DPP6: variants seen among roughly 807,000 people sequenced by gnomAD.
DPP6 encodes dipeptidyl peptidase like 6.
DPP6 carries 69 observed loss-of-function variants against 122.6 expected under a neutral mutation model. The ratio of observed to expected loss-of-function variants is 0.56; its 90% CI spans 0.46 to 0.69. The LOEUF is 0.69. Ranked by LOEUF, DPP6 falls within the 30% of genes least tolerant of loss-of-function variation. The pLI is 0.00. For missense variants in DPP6, 928 were observed against 1,116.9 expected (o/e 0.83, Z 2.41); for synonymous variants, 418 against 433.1 (o/e 0.97, Z 0.43).
chr7:154,074,043 G>GTATCTATC (rs149932249), intron 1 of DPP6, among the ~76,000 whole-genome samples: 3 of 148,308 alleles, frequency 2.0e-5, no homozygotes, highest in African/African-American at 7.5e-5. Context: ...ATGTATGTAA[G>GTATCTATC]TATCTATCTA....
chr7:154,515,913 G>A (rs1450546407), intron 3 of DPP6, among the ~76,000 whole-genome samples: 2 of 152,116 alleles, frequency 1.3e-5, no homozygotes, highest in Admixed American at 1.3e-4. Flanking sequence ...TTGTTGTGTG[G>A]GAGTGTCTGT....
At chr7:154,686,805 G>A (rs1194981827) in intron 7 of DPP6, among the ~76,000 whole-genome samples, 1 of 152,064 alleles carries the variant, frequency 6.6e-6, no homozygotes, top group African/African-American at 2.4e-5. Flanking sequence ...TATTTCGGAT[G>A]CATTTTAAAT....
At chr7:154,087,205 G>C (rs1324715125) in intron 1 of DPP6, among the ~76,000 whole-genome samples, 1 of 151,972 alleles carries the variant, frequency 6.6e-6, no homozygotes, top group Non-Finnish European at 1.5e-5. Flanking sequence ...GGGGCTGACA[G>C]AATGCCCACT....
intron 1 of DPP6, among the ~76,000 whole-genome samples, chr7:153,956,963 G>A (rs1045468778): frequency 2.6e-5 from 4 of 152,238 alleles, no homozygotes; most frequent in East Asian, 1.9e-4. Flanking sequence ...AAAAAATTCC[G>A]AAACCCAGAT....
rs1363751722 is a variant in DPP6 at position 154,351,087 on chromosome 7, G to C, written c.244-95127G>C. On this transcript the variant is annotated intron_variant, in intron 1 of 25. Coordinates refer to ENST00000377770, the MANE Select transcript of DPP6 (RefSeq NM_130797.4). Reference sequence around the variant, plus strand: ...CCTAGAGAAGTTAGGAGCATGTGACGGGGGCACGTGACTTCTAAGCAGCAA... The same window carrying C: ...CCTAGAGAAGTTAGGAGCATGTGACCGGGGCACGTGACTTCTAAGCAGCAA... Among the ~76,000 whole-genome samples, 4 of 152,182 alleles carry C rather than the reference G, an allele frequency of 2.6e-5. No homozygotes were observed. The East Asian group carries it at 5.8e-4, about 22-fold the overall frequency.
At position 154,876,038 on chromosome 7, in the gene DPP6, C is replaced by T. The variant is rs749205566; in HGVS notation, c.2016C>T (p.Leu672=). 6.2e-7 allele frequency: 1 copy of T among 1,612,320 alleles called. No homozygotes were observed. The change falls in exon 20 of 26, where the codon CTC becomes CTT. Residue 672 remains leucine (L), a synonymous_variant. Transcript: ENST00000377770. The part of the protein sequence containing the change: ...GRGSGFQGTK[L]LHEVRRRLGL... ...GCAGCGGCTTCCAAGGGACCAAGCT[C>T]CTGCACGAAGTGAGGCGGCGGCTGG...
chr7:154,282,929 G>T lies in DPP6; in HGVS notation c.244-163285G>T, dbSNP rs1303432163. Among the ~76,000 whole-genome samples, 3 of 152,118 alleles carry T rather than the reference G, an allele frequency of 2.0e-5. No homozygotes were observed. Among genetic ancestry groups the T allele is most frequent in the Non-Finnish European group, 2.9e-5 (2 of 68,020 alleles). The stretch of plus-strand genomic sequence containing the variant: ...CTGCTCAGTCCAAGGGTCACAACAT[G>T]TCTGATGCCTAGCTCTGGACTCAAG... On this transcript the variant is annotated intron_variant, in intron 1 of 25. Transcript: ENST00000377770. This position sits in a 1 kb window ranked among gnomAD's most constrained non-coding sequence, Gnocchi z 4.8.
intron 6 of DPP6, among the ~76,000 whole-genome samples, chr7:154,641,632 C>CTA: frequency 6.6e-6 from 1 of 152,188 alleles, no homozygotes; most frequent in South Asian, 2.1e-4. Context: ...TTCTATCTAT[C>CTA]TATACACACA....
intron 6 of DPP6, among the ~76,000 whole-genome samples, chr7:154,642,705 G>T (rs1400757676): frequency 6.6e-6 from 1 of 152,138 alleles, no homozygotes; most frequent in Admixed American, 6.6e-5. Context: ...GTGGGAGGCT[G>T]ATGTGGGTGG....
In DPP6 at chr7:154,491,003, CA is replaced by C. The variant is rs199589839; in HGVS notation, c.457+15969del. The stretch of plus-strand genomic sequence containing the variant: ...CCAGTGAACACGCACGTGCGATATA[CA>C]AAGGACAAAATGCATGTGTGATGGT... On this transcript the variant is annotated intron_variant, in intron 3 of 25. Transcript: ENST00000377770. 2.0e-5 allele frequency among the ~76,000 whole-genome samples: 3 copies of C among 152,302 alleles called. No individual in the cohort carries two copies. In the East Asian group the frequency reaches 5.8e-4, roughly 29 times the overall value.
chr7:154,649,339 G>A (rs998417194), intron 6 of DPP6, among the ~76,000 whole-genome samples: 4 of 152,178 alleles, frequency 2.6e-5, no homozygotes, highest in Non-Finnish European at 5.9e-5. Flanking sequence ...AAAGTGCTGT[G>A]CACATTTGCA....
chr7:154,485,138 C>A (rs1823673567), intron 3 of DPP6, among the ~76,000 whole-genome samples: 1 of 152,064 alleles, frequency 6.6e-6, no homozygotes, highest in Non-Finnish European at 1.5e-5. Flanking sequence ...CAGCCTGTAT[C>A]CCATGGCCAG....
chr7:154,498,428 T>A (rs767756728), intron 3 of DPP6, among the ~76,000 whole-genome samples: 1 of 152,144 alleles, frequency 6.6e-6, no homozygotes, highest in Non-Finnish European at 1.5e-5. Flanking sequence ...AACCTCCACC[T>A]CCCAGGTTCA....
At chr7:154,268,800 C>T (rs907143158) in intron 1 of DPP6, among the ~76,000 whole-genome samples, 1 of 151,838 alleles carries the variant, frequency 6.6e-6, no homozygotes, top group Non-Finnish European at 1.5e-5. Flanking sequence ...TCTATTGAAA[C>T]CAATTTTTAT....
rs541384828 is a variant in DPP6 at position 154,536,909 on chromosome 7, C to T, written c.458-3623C>T. ...CATACAAAATTAGATTCCTACCTCA[C>T]ACCATACATTCATGTCATTTCCCAG... On this transcript the variant is annotated intron_variant, in intron 3 of 25. Transcript: ENST00000377770. Among the ~76,000 whole-genome samples the T allele has an allele frequency of 1.1e-3, 170 of 152,280 alleles. 4 individuals are homozygous for T. The South Asian group carries it at 0.014, about 13-fold the overall frequency.
chr7:154,843,965 C>T (rs776331559), intron 16 of DPP6, among the ~76,000 whole-genome samples: 1 of 152,242 alleles, frequency 6.6e-6, no homozygotes, highest in Non-Finnish European at 1.5e-5. Context: ...TCTGTTTCCC[C>T]AGCAGCTAGC....
chr7:154,421,705 G>A (rs1361461401), intron 1 of DPP6, among the ~76,000 whole-genome samples: 1 of 152,168 alleles, frequency 6.6e-6, no homozygotes, highest in African/African-American at 2.4e-5. Context: ...AGACTTTGAT[G>A]TGTATGAGTT....
chr7:154,797,851 A>T (rs1249188421), intron 12 of DPP6, among the ~76,000 whole-genome samples: 1 of 152,234 alleles, frequency 6.6e-6, no homozygotes, highest in Non-Finnish European at 1.5e-5. Flanking sequence ...GCTCTTAAAG[A>T]TGGTACATCC....
At chr7:154,448,290 C>A (rs1011448950) in intron 2 of DPP6, among the ~76,000 whole-genome samples, 9 of 152,098 alleles carry the variant, frequency 5.9e-5, no homozygotes, top group African/African-American at 1.9e-4. Context: ...TAGCTATGAA[C>A]AATCCCAAAA....
Sources: gnomAD v4.1 joint callset for allele counts (sites outside exome capture counted in the v4.1 genomes callset) on GRCh38, gnomAD v4.1.1 for gene constraint, Gnocchi (gnomAD v3.1) non-coding constraint, MANE v1.5 for transcripts, NCBI Gene and HGNC (gene_info 2026-07-23, HGNC 2026-07-21) for gene names.